The following PPARGC1A variants were observed in gnomAD, a reference collection of about 807,000 sequenced individuals.
PPARGC1A encodes peroxisome proliferator-activated receptor gamma coactivator 1-alpha.
In PPARGC1A, 25 loss-of-function variants were observed where a neutral mutation model predicts 88.7. The ratio of observed to expected loss-of-function variants is 0.28; its 90% confidence interval spans 0.21 to 0.39. The LOEUF (loss-of-function observed/expected upper bound fraction) is 0.39. PPARGC1A is among the 10% of genes least tolerant of loss of function. The pLI is 1.00. For synonymous variants in PPARGC1A, 363 were observed against 355.6 expected (o/e 1.02, Z -0.24); for missense variants, 880 against 968.7 (o/e 0.91, Z 1.22).
the PPARGC1A span, among the ~76,000 whole-genome samples, chr4:23,960,549 G>T: frequency 5.2e-5 from 6 of 114,654 alleles, no homozygotes; most frequent in Non-Finnish European, 1.0e-4. Context: ...ACTTGGGCAA[G>T]ACTTGGGCAG....
the PPARGC1A span, among the ~76,000 whole-genome samples, chr4:24,077,802 T>C: frequency 6.6e-6 from 1 of 152,054 alleles, no homozygotes; most frequent in African/African-American, 2.4e-5. Flanking sequence ...CTGTTATATC[T>C]TTCTGAAACT....
the PPARGC1A span, among the ~76,000 whole-genome samples, chr4:24,032,120 T>C: frequency 1.3e-5 from 2 of 152,214 alleles, no homozygotes; most frequent in Admixed American, 6.5e-5. Flanking sequence ...ATAATAATGA[T>C]GAATAACAAT....
At chr4:24,134,485 G>C in the PPARGC1A span, among the ~76,000 whole-genome samples, 1 of 152,244 alleles carries the variant, frequency 6.6e-6, no homozygotes, top group Admixed American at 6.5e-5. Flanking sequence ...TGTTCGCAAT[G>C]CCATTGAATC....
At chr4:24,117,481 C>A in the PPARGC1A span, among the ~76,000 whole-genome samples, 1 of 151,340 alleles carries the variant, frequency 6.6e-6, no homozygotes, top group African/African-American at 2.4e-5. Context: ...CCCTTTTTTT[C>A]TTTATTTTCA....
the PPARGC1A span, among the ~76,000 whole-genome samples, chr4:24,380,601 G>A: frequency 1.3e-5 from 2 of 152,102 alleles, no homozygotes; most frequent in East Asian, 3.9e-4. Flanking sequence ...CAGAGGATTG[G>A]AGGGAAGACA....
At chr4:24,202,072 T>G in the PPARGC1A span, among the ~76,000 whole-genome samples, 1 of 151,996 alleles carries the variant, frequency 6.6e-6, no homozygotes, top group Non-Finnish European at 1.5e-5. Flanking sequence ...CAGCTAATTT[T>G]TGTATTTTTT....
the PPARGC1A span, among the ~76,000 whole-genome samples, chr4:23,919,340 A>C: frequency 6.6e-6 from 1 of 152,086 alleles, no homozygotes; most frequent in Admixed American, 6.5e-5. Context: ...TCACATACTT[A>C]CCACATGCAC....
chr4:24,255,304 A>T, the PPARGC1A span, among the ~76,000 whole-genome samples: 1 of 152,190 alleles, frequency 6.6e-6, no homozygotes, highest in Non-Finnish European at 1.5e-5. Context: ...ACTATTATGC[A>T]TTTCTATTTG....
chr4:24,175,382 T>C, the PPARGC1A span, among the ~76,000 whole-genome samples: 2 of 149,740 alleles, frequency 1.3e-5, no homozygotes, highest in African/African-American at 4.9e-5. Context: ...TTCGTTTTTT[T>C]TTTTTTTTTG....
At chr4:23,952,967 A>C in the PPARGC1A span, among the ~76,000 whole-genome samples, 3 of 152,102 alleles carry the variant, frequency 2.0e-5, no homozygotes, top group African/African-American at 7.2e-5. Context: ...ACATGAATGC[A>C]TTATATTACT....
chr4:24,387,807 A>AGAAAGAAG, the PPARGC1A span, among the ~76,000 whole-genome samples: 1 of 116,004 alleles, frequency 8.6e-6, no homozygotes. Flanking sequence ...AAAGAAAGAA[A>AGAAAGAAG]GAAAGAAAGA....
the PPARGC1A span, among the ~76,000 whole-genome samples, chr4:24,051,214 C>CAAAAAAAAAAAAAAAAAAAAAA: frequency 1.7e-5 from 2 of 118,996 alleles, no homozygotes; most frequent in African/African-American, 3.0e-5. Context: ...AAAAAAAAAC[C>CAAAAAAAAAAAAAAAAAAAAAA]AAACCTAAAC....
chr4:23,932,325 G>C, the PPARGC1A span, among the ~76,000 whole-genome samples: 4,108 of 152,228 alleles, frequency 0.027, 83 homozygotes, highest in Non-Finnish European at 0.042. Context: ...GAACTATCTA[G>C]TCCATCCTCC....
chr4:23,889,885 G>C lies in PPARGC1A; in HGVS notation c.54+19C>G. ...AAGCGTCAGTTGTGGCTGCAGCGCC[G>C]AGCCCTGCCCCAGCTCACCTCGATG... On this transcript the variant is annotated intron_variant, in intron 1 of 12. Coordinates refer to ENST00000264867, the MANE Select transcript of PPARGC1A (RefSeq NM_013261.5). The C allele has an allele frequency of 6.2e-7, 1 of 1,612,104 alleles. No individual in the cohort carries two copies. The highest frequency in any genetic ancestry group is 1.1e-5 in the South Asian group (1 of 90,870).
the PPARGC1A span, among the ~76,000 whole-genome samples, chr4:24,159,480 A>G: frequency 6.6e-6 from 1 of 152,114 alleles, no homozygotes; most frequent in African/African-American, 2.4e-5. Flanking sequence ...AAGTGCTGGG[A>G]TTACAGGCGT....
the PPARGC1A span, among the ~76,000 whole-genome samples, chr4:23,928,495 T>C: frequency 6.6e-6 from 1 of 152,182 alleles, no homozygotes; most frequent in South Asian, 2.1e-4. Context: ...TTTTATACTG[T>C]TGGTGGGAAT....
the PPARGC1A span, among the ~76,000 whole-genome samples, chr4:24,096,868 A>C: frequency 1.3e-5 from 2 of 152,230 alleles, no homozygotes; most frequent in African/African-American, 4.8e-5. Flanking sequence ...ATATATACGA[A>C]AAACCTATAC....
At chr4:24,189,168 AT>A in the PPARGC1A span, among the ~76,000 whole-genome samples, 1 of 152,106 alleles carries the variant, frequency 6.6e-6, no homozygotes, top group Non-Finnish European at 1.5e-5. Flanking sequence ...GAAATGAAAA[AT>A]CATCTGTTAG....
the PPARGC1A span, among the ~76,000 whole-genome samples, chr4:23,960,152 A>G: frequency 6.6e-6 from 1 of 152,312 alleles, no homozygotes; most frequent in South Asian, 2.1e-4. Context: ...TTCAGCCTCT[A>G]CTTTAGATAG....
Sources: allele counts gnomAD v4.1 joint callset (sites outside exome capture counted in the v4.1 genomes callset), GRCh38; gene constraint gnomAD v4.1.1; transcripts MANE v1.5; gene names NCBI Gene and HGNC (gene_info 2026-07-23, HGNC 2026-07-21).